ARMH4: variants seen among roughly 807,000 people sequenced by gnomAD.
The protein encoded by ARMH4 is armadillo-like helical domain-containing protein 4.
Under a neutral mutation model 61.9 loss-of-function variants are expected in ARMH4, and 49 were observed. The ratio of observed to expected loss-of-function variants is 0.79; its 90% CI spans 0.63 to 1.00. ARMH4 has a LOEUF of 1.00. ARMH4 is among the 50% of genes least tolerant of loss of function. The pLI, the probability that ARMH4 is intolerant of heterozygous loss-of-function variation, is 0.00. For missense variants in ARMH4, 934 were observed against 930.0 expected (o/e 1.00, Z -0.06); for synonymous variants, 368 against 341.5 (o/e 1.08, Z -0.85).
intron 5 of ARMH4, among the ~76,000 whole-genome samples, chr14:58,049,238 CAAA>C (rs535936500): frequency 4.7e-5 from 3 of 64,016 alleles, no homozygotes; most frequent in African/African-American, 5.8e-5. Context: ...GACTCCGTCC[CAAA>C]AAAAAAAAAA....
At chr14:58,043,476 T>C (rs1473868403) in intron 5 of ARMH4, among the ~76,000 whole-genome samples, 3 of 152,172 alleles carry the variant, frequency 2.0e-5, no homozygotes, top group Non-Finnish European at 4.4e-5. Flanking sequence ...GAGCTATTTA[T>C]GACAAAACCA....
chr14:58,069,679 C>T lies in ARMH4; in HGVS notation c.2089+27045G>A, dbSNP rs552653386. ...AGAGAAGAGGCATTCAAAGGTAAGG[C>T]TACAGGAAGGGAAATTTGACGTACA... On this transcript the variant is annotated intron_variant, in intron 5 of 7. Coordinates refer to ENST00000267485, the MANE Select transcript of ARMH4 (RefSeq NM_001001872.4). 2.6e-5 allele frequency among the ~76,000 whole-genome samples: 4 copies of T among 152,152 alleles called. No individual in the cohort carries two copies. The South Asian group carries it at 6.2e-4, about 24-fold the overall frequency.
chr14:58,021,237 C>T (rs1283682094), intron 5 of ARMH4, among the ~76,000 whole-genome samples: 1 of 152,168 alleles, frequency 6.6e-6, no homozygotes, highest in East Asian at 1.9e-4. Flanking sequence ...CCACTATCCT[C>T]ACATGGCTTG....
intron 4 of ARMH4, among the ~76,000 whole-genome samples, chr14:58,103,349 G>A (rs1416814069): frequency 6.6e-6 from 1 of 152,016 alleles, no homozygotes; most frequent in Non-Finnish European, 1.5e-5. Flanking sequence ...TAATAGATTG[G>A]TGCCCTTATA....
chr14:58,035,921 C>A, intron 5 of ARMH4, among the ~76,000 whole-genome samples: 1 of 132,940 alleles, frequency 7.5e-6, no homozygotes, highest in Non-Finnish European at 1.7e-5. Context: ...GTTTACCAAC[C>A]AAAAAGAGTC....
intron 5 of ARMH4, among the ~76,000 whole-genome samples, chr14:58,046,747 C>T (rs1351780368): frequency 1.3e-5 from 2 of 152,200 alleles, no homozygotes; most frequent in African/African-American, 4.8e-5. Flanking sequence ...AGAGTGGTCT[C>T]ATCTTGCCCA....
intron 6 of ARMH4, among the ~76,000 whole-genome samples, chr14:58,008,732 T>C (rs966482002): frequency 1.3e-5 from 2 of 152,202 alleles, no homozygotes; most frequent in Non-Finnish European, 2.9e-5. Context: ...GGTATGTCTA[T>C]GGTGGAGTCT....
chr14:58,113,357 A>G (rs868356118), intron 4 of ARMH4, among the ~76,000 whole-genome samples: 2 of 152,172 alleles, frequency 1.3e-5, no homozygotes, highest in South Asian at 4.1e-4. Context: ...TTATTTGTCT[A>G]TTCTACTGGT....
chr14:58,013,660 T>G (rs1275629024), intron 5 of ARMH4, among the ~76,000 whole-genome samples: 1 of 152,026 alleles, frequency 6.6e-6, no homozygotes, highest in Non-Finnish European at 1.5e-5. Flanking sequence ...AACATGAAAG[T>G]CAGGTCAGAT....
rs528526905 is a variant in ARMH4 at position 58,012,883 on chromosome 14, T to A, written c.2090-733A>T. Reference sequence around the variant, plus strand: ...GTAGAAGGAAGCATCAATTTCATTTTTGAAATATGTGTTAGAATGGCCACG... The same window carrying A: ...GTAGAAGGAAGCATCAATTTCATTTATGAAATATGTGTTAGAATGGCCACG... On this transcript the variant is annotated intron_variant, in intron 5 of 7. Transcript: ENST00000267485. Among the ~76,000 whole-genome samples, 8 of 152,360 alleles carry A rather than the reference T, an allele frequency of 5.3e-5. No homozygotes were observed. In the East Asian group the frequency reaches 1.5e-3, roughly 29 times the overall value.
At chr14:58,061,199 C>A (rs1418628410) in intron 5 of ARMH4, among the ~76,000 whole-genome samples, 1 of 152,156 alleles carries the variant, frequency 6.6e-6, no homozygotes, top group Non-Finnish European at 1.5e-5. Context: ...CTGGCTCAGT[C>A]CAGAGCATGC....
In ARMH4 at chr14:58,001,575, T is replaced by C. The variant is rs974365904; in HGVS notation, c.*3161A>G. 2 of 152,216 alleles carry C rather than the reference T, an allele frequency of 1.3e-5. No homozygotes were observed. Among genetic ancestry groups the C allele is most frequent in the African/African-American group, 4.8e-5 (2 of 41,446 alleles). 9.4% of individuals were successfully genotyped at this position (152,216 alleles called of 1,614,324 possible). A position where few individuals can be genotyped will look rare whatever the true frequency, so the allele number is the denominator to read the frequency against. The stretch of plus-strand genomic sequence containing the variant: ...ATCCTCAGAAACAATTGTTATATTT[T>C]GTTTTATTGAATAATAGCCATCCCA... On this transcript the variant is annotated 3_prime_UTR_variant, in exon 8 of 8. Transcript: ENST00000267485.
Position 58,133,138 on chromosome 14 carries a change from A to G in ARMH4, c.1573T>C (p.Ser525Pro). The change falls in exon 3 of 8, where the codon TCA (serine) becomes CCA (proline). Residue 525 changes from serine (S) to proline (P), a missense_variant. Ser to Pro is a moderately conservative substitution (Grantham distance 74, BLOSUM62 -1). Transcript: ENST00000267485. ...RRWEPLATTI[S>P]TTVVPLSFEV... ...AAAGACAAAGGGACGACTGTAGTTG[A>G]AATTGTAGTGGCCAGAGGCTCCCAT... The G allele has an allele frequency of 6.2e-7, 1 of 1,614,170 alleles. No individual in the cohort carries two copies. The highest frequency in any genetic ancestry group is 8.5e-7 in the Non-Finnish European group (1 of 1,180,034).
At chr14:58,053,020 T>C (rs887023485) in intron 5 of ARMH4, among the ~76,000 whole-genome samples, 4 of 152,166 alleles carry the variant, frequency 2.6e-5, no homozygotes, top group African/African-American at 7.2e-5. Context: ...CAAGATCCAG[T>C]TGGCCACCAA....
intron 5 of ARMH4, among the ~76,000 whole-genome samples, chr14:58,027,960 A>G (rs1883080581): frequency 2.6e-5 from 4 of 152,192 alleles, no homozygotes; most frequent in Non-Finnish European, 4.4e-5. Flanking sequence ...GAAAAAACCT[A>G]AAGGTCTTGA....
chr14:58,005,003 G>C (rs779913381), intron 7 of ARMH4, 45 bp downstream of exon 7: 12 of 1,611,812 alleles, frequency 7.4e-6, no homozygotes, highest in Non-Finnish European at 1.0e-5. Flanking sequence ...GATAAGCAAA[G>C]AATGTTCTGA....
intron 5 of ARMH4, among the ~76,000 whole-genome samples, chr14:58,078,012 C>G (rs1885102036): frequency 6.6e-6 from 1 of 152,226 alleles, no homozygotes; most frequent in Non-Finnish European, 1.5e-5. Flanking sequence ...TGATATTTGC[C>G]TTGCTGAAGT....
At chr14:58,069,387 A>G (rs1297477688) in intron 5 of ARMH4, among the ~76,000 whole-genome samples, 1 of 152,244 alleles carries the variant, frequency 6.6e-6, no homozygotes, top group Non-Finnish European at 1.5e-5. Flanking sequence ...TCACAATCTC[A>G]TATGACAGAC....
chr14:58,042,241 C>G (rs1208143934), intron 5 of ARMH4, among the ~76,000 whole-genome samples: 2 of 152,162 alleles, frequency 1.3e-5, no homozygotes, highest in Non-Finnish European at 2.9e-5. Context: ...GAAATTATAA[C>G]AAACTGTCTC....
Sources: gnomAD v4.1 joint callset for allele counts (sites outside exome capture counted in the v4.1 genomes callset) on GRCh38, gnomAD v4.1.1 for gene constraint, MANE v1.5 for transcripts, NCBI Gene and HGNC (gene_info 2026-07-23, HGNC 2026-07-21) for gene names.